ADGRB1: variants seen among roughly 807,000 people sequenced by gnomAD.
ADGRB1 encodes adhesion G protein-coupled receptor B1.
A neutral mutation model predicts 175.7 loss-of-function variants in ADGRB1; 36 were observed. The ratio of observed to expected loss-of-function variants is 0.20; its 90% confidence interval spans 0.16 to 0.27. The LOEUF is 0.27. Ranked by LOEUF, ADGRB1 falls within the 10% of genes least tolerant of loss-of-function variation. The pLI is 1.00. For missense variants in ADGRB1, 1,731 were observed against 2,255.3 expected, an observed-to-expected ratio of 0.77 and a Z score of 4.71; for synonymous variants, 1,054 against 979.4, an observed-to-expected ratio of 1.08 and a Z score of -1.42.
Position 142,510,913 on chromosome 8 carries a change from G to T in ADGRB1, c.2676-19G>T. The T allele has an allele frequency of 1.5e-6, 1 of 661,574 alleles. No individual in the cohort carries two copies. The highest frequency in any genetic ancestry group is 1.9e-6 in the Non-Finnish European group (1 of 520,128). The allele number at this position is 661,574 out of a possible 1,614,324, so 41.0% of individuals were successfully genotyped here. ...CTGACGCTCCGCCTGTCTCCCTCCC[G>T]TGTCCCGCCCGCCCCCAGACCCTCC... On this transcript the variant is annotated intron_variant, in intron 17 of 30. Coordinates refer to ENST00000517894, the MANE Select transcript of ADGRB1 (RefSeq NM_001702.3). The surrounding 1 kb of genome is among the most constrained non-coding windows in gnomAD (Gnocchi z 6.3).
At position 142,542,011 on chromosome 8, in the gene ADGRB1, CGAG is replaced by C. The variant is rs1563756033; in HGVS notation, c.3784_3786del (p.Glu1262del). The C allele has an allele frequency of 1.9e-6, 3 of 1,601,498 alleles. No homozygotes were observed. The highest frequency in any genetic ancestry group is 2.6e-6 in the Non-Finnish European group (3 of 1,175,444). On this transcript the variant is annotated inframe_deletion, in exon 28 of 31. Transcript: ENST00000517894. This position sits in a 1 kb window ranked among gnomAD's most constrained non-coding sequence, Gnocchi z 6.3. ...GCACACTGAAGCGGCCGTCTCTGCC[CGAG>C]GAGGAGAAGCTGAAGCTGGCCCATG... is the stretch of plus-strand genomic sequence containing the variant.
At chr8:142,526,692 C>G in intron 24 of ADGRB1, 65 bp downstream of exon 24, 1 of 1,483,898 alleles carries the variant, frequency 6.7e-7, no homozygotes, top group Non-Finnish European at 9.2e-7. Flanking sequence ...CACCCAGCCC[C>G]GGGGGATGGA....
At chr8:142,501,689 A>G (rs1587357995) in intron 17 of ADGRB1, among the ~76,000 whole-genome samples, 1 of 76,182 alleles carries the variant, frequency 1.3e-5, no homozygotes, top group Non-Finnish European at 2.7e-5. Flanking sequence ...GGTTTTGACG[A>G]TGGAGGTGGG....
intron 21 of ADGRB1, 76 bp from the exon 22 acceptor site, chr8:142,522,565 C>A: frequency 7.1e-7 from 1 of 1,410,258 alleles, no homozygotes; most frequent in Non-Finnish European, 9.6e-7. Context: ...CCGCCCTTCA[C>A]GGCAGGGCTA....
chr8:142,464,311 C>T lies in ADGRB1; in HGVS notation c.113C>T (p.Pro38Leu), dbSNP rs1229908729. The stretch of plus-strand genomic sequence containing the variant: ...GCGGCCGCCGGAGCAGACGCGGGGC[C>T]CGGGCCCGAGCCGTGCGCCACGCTG... ...ARAAAGADAG[P>L]GPEPCATLVQ... is the part of the protein sequence containing the mutation. The change falls in exon 2 of 31, where the codon CCC becomes CTC. Residue 38 changes from proline (P) to leucine (L), a missense_variant. Physicochemically the swap from Pro to Leu is moderately conservative, Grantham distance 98. Coordinates refer to ENST00000517894, the MANE Select transcript of ADGRB1 (RefSeq NM_001702.3). 5 of 1,440,916 alleles carry T rather than the reference C, an allele frequency of 3.5e-6. No individual in the cohort carries two copies. The African/African-American group carries it at 7.4e-5, about 21-fold the overall frequency. 89.3% of individuals were successfully genotyped at this position (1,440,916 alleles called of 1,614,324 possible).
At chr8:142,534,611 G>T (rs1325916055) in intron 25 of ADGRB1, among the ~76,000 whole-genome samples, 7 of 152,294 alleles carry the variant, frequency 4.6e-5, no homozygotes, top group African/African-American at 1.7e-4. Context: ...CAGCGAAACG[G>T]CTCCTGTACC....
chr8:142,523,840 G>A (rs556357015), intron 22 of ADGRB1, among the ~76,000 whole-genome samples: 6 of 152,180 alleles, frequency 3.9e-5, no homozygotes, highest in Middle Eastern at 3.4e-3. Flanking sequence ...AGGCCACGGG[G>A]CCTGAGCCCC....
At position 142,504,876 on chromosome 8, in the gene ADGRB1, G is replaced by A. The variant is rs1048812234; in HGVS notation, c.2676-6056G>A. ...CCTAGCGCCTGAACTCCCCCACTGC[G>A]GTGTGCTGTGCCCACTCCTGGCTTC... On this transcript the variant is annotated intron_variant, in intron 17 of 30. Coordinates refer to ENST00000517894, the MANE Select transcript of ADGRB1 (RefSeq NM_001702.3). This position sits in a 1 kb window ranked among gnomAD's most constrained non-coding sequence, Gnocchi z 5.6. Among the ~76,000 whole-genome samples the A allele has an allele frequency of 2.0e-5, 3 of 152,046 alleles. No homozygotes were observed. Among genetic ancestry groups the A allele is most frequent in the African/African-American group, 7.3e-5 (3 of 41,374 alleles).
At chr8:142,475,453 C>A (rs369045718) in intron 2 of ADGRB1, 21 bp from the exon 3 acceptor site, 2,213 of 1,285,298 alleles carry the variant, frequency 1.7e-3, no homozygotes, top group Non-Finnish European at 2.1e-3. Flanking sequence ...CCCTGATCCC[C>A]GCCCTCTGGT....
Position 142,474,092 on chromosome 8 carries a change from G to T in ADGRB1, c.785-1382G>T, listed in dbSNP as rs1840804434. On this transcript the variant is annotated intron_variant, in intron 2 of 30. Transcript: ENST00000517894. The surrounding 1 kb of genome is among the most constrained non-coding windows in gnomAD (Gnocchi z 5.8). ...GTAAATGATGGGAGTGAGGCCAGTGGGTGGTGGGGCCACTGGGGGAATCTG... is the reference window on the plus strand; with the variant it reads ...GTAAATGATGGGAGTGAGGCCAGTGTGTGGTGGGGCCACTGGGGGAATCTG... 6.6e-6 allele frequency among the ~76,000 whole-genome samples: 1 copy of T among 152,196 alleles called. No individual in the cohort carries two copies. Among genetic ancestry groups the T allele is most frequent in the Non-Finnish European group, 1.5e-5 (1 of 68,030 alleles).
rs1179464524 is a variant in ADGRB1 at position 142,492,570 on chromosome 8, CG to C, written c.2675+1759del. Among the ~76,000 whole-genome samples the C allele has an allele frequency of 6.6e-6, 1 of 152,094 alleles. No homozygotes were observed. The highest frequency in any genetic ancestry group is 1.9e-4 in the East Asian group (1 of 5,170). On this transcript the variant is annotated intron_variant, in intron 17 of 30. Transcript: ENST00000517894. This position sits in a 1 kb window ranked among gnomAD's most constrained non-coding sequence, Gnocchi z 4.4. ...TGAGCGTCGCAGGGGAAGGAGCAGC[CG>C]GGGCAAAGGCCTCAAGGTGGGATTG...
chr8:142,539,346 A>G (rs1845127874), intron 26 of ADGRB1, 28 bp from the exon 27 acceptor site: 1 of 1,569,518 alleles, frequency 6.4e-7, no homozygotes, highest in African/African-American at 1.4e-5. Context: ...AGAGGCGCTC[A>G]CCCTGCCCTG....
rs1841527063 is a variant in ADGRB1 at position 142,483,964 on chromosome 8, C to T, written c.2131-13C>T. 6.2e-7 allele frequency: 1 copy of T among 1,613,082 alleles called. No individual in the cohort carries two copies. The highest frequency in any genetic ancestry group is 1.3e-5 in the African/African-American group (1 of 75,014). ...TGTTCTCTGTCACTGGCCCTTCTTCCTCTTCTTTCCAGAACTTTGTCCAGA... is the reference window on the plus strand; with the variant it reads ...TGTTCTCTGTCACTGGCCCTTCTTCTTCTTCTTTCCAGAACTTTGTCCAGA... On this transcript the variant is annotated splice_polypyrimidine_tract_variant and intron_variant, in intron 11 of 30. Coordinates refer to ENST00000517894, the MANE Select transcript of ADGRB1 (RefSeq NM_001702.3).
intron 13 of ADGRB1, among the ~76,000 whole-genome samples, chr8:142,487,476 T>C (rs1471471918): frequency 6.6e-6 from 1 of 152,158 alleles, no homozygotes; most frequent in Non-Finnish European, 1.5e-5. Context: ...AAAACCCTGT[T>C]CTCGGGCATC....
chr8:142,500,336 C>T (rs1213642105), intron 17 of ADGRB1, among the ~76,000 whole-genome samples: 1 of 75,886 alleles, frequency 1.3e-5, no homozygotes, highest in African/African-American at 5.2e-5. Context: ...CCCCGCCCCC[C>T]GCGCCGCTCC....
At chr8:142,500,050 A>G (rs937528877) in intron 17 of ADGRB1, among the ~76,000 whole-genome samples, 17 of 151,956 alleles carry the variant, frequency 1.1e-4, no homozygotes, top group Admixed American at 7.2e-4. Flanking sequence ...GCCATGTCTG[A>G]GCCTCCCTCA....
chr8:142,500,897 AG>A (rs1212881451), intron 17 of ADGRB1, among the ~76,000 whole-genome samples: 1 of 152,102 alleles, frequency 6.6e-6, no homozygotes, highest in Non-Finnish European at 1.5e-5. Flanking sequence ...CCTGGAGGGC[AG>A]GGGTGTCAGG....
intron 11 of ADGRB1, among the ~76,000 whole-genome samples, chr8:142,481,992 G>C (rs564461152): frequency 6.7e-6 from 1 of 150,328 alleles, no homozygotes; most frequent in Non-Finnish European, 1.5e-5. Flanking sequence ...ACTGAGCTCT[G>C]GTCACACACT....
rs1399827279 is a variant in ADGRB1, at chr8:142,477,240, G to T, written c.1184G>T (p.Arg395Leu). 1.9e-6 allele frequency: 3 copies of T among 1,595,800 alleles called. No homozygotes were observed. Among genetic ancestry groups the T allele is most frequent in the Non-Finnish European group, 2.6e-6 (3 of 1,173,472 alleles). Residue 395 changes from arginine (R) to leucine (L), a missense_variant, in exon 5 of 31, where the codon CGC becomes CTC. By Grantham distance (102) the Arg-to-Leu change is moderately radical. This residue lies in a region of ADGRB1 where 178 missense variants were observed against 227.8 expected (regional missense o/e 0.78). Transcript: ENST00000517894. Reference protein sequence around the residue: ...SYSTQCSGPLREQRLCNNSAV... With the variant: ...SYSTQCSGPLLEQRLCNNSAV... Reference sequence around the variant, plus strand: ...AGCACGCAGTGCAGCGGACCCCTGCGCGAGCAGCGGCTGTGCAACAACTCT... The same window carrying T: ...AGCACGCAGTGCAGCGGACCCCTGCTCGAGCAGCGGCTGTGCAACAACTCT...
Sources: gnomAD v4.1 joint callset for allele counts (sites outside exome capture counted in the v4.1 genomes callset) on GRCh38, gnomAD v4.1.1 for gene constraint, gnomAD v4.1.1 regional missense constraint, Gnocchi (gnomAD v3.1) non-coding constraint, MANE v1.5 for transcripts, NCBI Gene and HGNC (gene_info 2026-07-23, HGNC 2026-07-21) for gene names.